NTM: variants seen among roughly 807,000 people sequenced by gnomAD.
NTM encodes IgLON family member 2.
NTM carries 13 observed loss-of-function variants against 42.1 expected under a neutral mutation model. That is an observed-to-expected ratio of 0.31 (90% CI 0.20 to 0.49). The LOEUF (loss-of-function observed/expected upper bound fraction) is 0.49. Ranked by LOEUF, NTM falls within the 20% of genes least tolerant of loss-of-function variation. The pLI is 0.99. For synonymous variants in NTM, 187 were observed against 179.2 expected (o/e 1.04, Z -0.35); for missense variants, 373 against 452.8 (o/e 0.82, Z 1.60).
chr11:132,020,659 T>C (rs1397230469), intron 2 of NTM, among the ~76,000 whole-genome samples: 1 of 152,062 alleles, frequency 6.6e-6, no homozygotes, highest in Admixed American at 6.6e-5. Context: ...GAAAACTAAA[T>C]TTCCGGTTAA....
intron 2 of NTM, among the ~76,000 whole-genome samples, chr11:132,107,855 A>T (rs1345741481): frequency 6.6e-6 from 1 of 152,076 alleles, no homozygotes; most frequent in Admixed American, 6.6e-5. Flanking sequence ...TTGTCATGCT[A>T]AAGACTTCAT....
At chr11:132,029,892 T>C (rs2075698557) in intron 2 of NTM, among the ~76,000 whole-genome samples, 2 of 152,152 alleles carry the variant, frequency 1.3e-5, no homozygotes, top group Non-Finnish European at 2.9e-5. Flanking sequence ...CGTGTTTACA[T>C]AGGGCAGGCT....
In NTM at chr11:131,431,408, T is replaced by C. The variant is rs1948639650; in HGVS notation, c.82+60520T>C. 2.6e-5 allele frequency among the ~76,000 whole-genome samples: 4 copies of C among 152,184 alleles called. No individual in the cohort carries two copies. In the South Asian group the frequency reaches 8.3e-4, roughly 32 times the overall value. On this transcript the variant is annotated intron_variant, in intron 1 of 8. Coordinates refer to ENST00000683400, the MANE Select transcript of NTM (RefSeq NM_001352005.2). ...GTGGGTGGACAAGATGACAGGCAGA[T>C]GATGAGATAAAAAGATAACATTAAG...
chr11:131,545,558 A>G (rs1000782865), intron 1 of NTM, among the ~76,000 whole-genome samples: 2 of 152,192 alleles, frequency 1.3e-5, no homozygotes, highest in African/African-American at 2.4e-5. Context: ...TCTTGACATC[A>G]GTCTCTTTGC....
intron 7 of NTM, among the ~76,000 whole-genome samples, chr11:132,326,782 T>C (rs2095691801): frequency 1.3e-5 from 2 of 152,212 alleles, no homozygotes; most frequent in Admixed American, 1.3e-4. Context: ...TTTACTGCAC[T>C]GATGTGTTCA....
chr11:131,389,951 A>G (rs895490683), intron 1 of NTM, among the ~76,000 whole-genome samples: 11 of 152,222 alleles, frequency 7.2e-5, no homozygotes, highest in African/African-American at 2.7e-4. Context: ...TTGGAGTTCC[A>G]GATGCAACAG....
At chr11:132,282,034 C>T (rs1167755934) in intron 4 of NTM, among the ~76,000 whole-genome samples, 1 of 152,160 alleles carries the variant, frequency 6.6e-6, no homozygotes, top group East Asian at 1.9e-4. Context: ...GAAATGCTGC[C>T]AGGCCTTTAT....
At chr11:132,152,351 T>A (rs929985071) in intron 3 of NTM, among the ~76,000 whole-genome samples, 3 of 152,200 alleles carry the variant, frequency 2.0e-5, no homozygotes, top group Admixed American at 2.0e-4. Context: ...GAAGTCACCT[T>A]CTGAGAACAT....
intron 2 of NTM, among the ~76,000 whole-genome samples, chr11:132,098,143 CTG>C (rs2061240977): frequency 6.6e-6 from 1 of 152,146 alleles, no homozygotes; most frequent in Non-Finnish European, 1.5e-5. Context: ...AATTTAGTAA[CTG>C]TTAAAATATC....
intron 2 of NTM, among the ~76,000 whole-genome samples, chr11:132,093,141 C>T (rs150135840): frequency 2.8e-3 from 433 of 152,312 alleles, no homozygotes; most frequent in South Asian, 9.5e-3. Flanking sequence ...CTTCCATCAT[C>T]TGATGTCTTA....
At chr11:131,607,648 A>T (rs1330382047) in intron 1 of NTM, among the ~76,000 whole-genome samples, 2 of 152,178 alleles carry the variant, frequency 1.3e-5, no homozygotes. Flanking sequence ...ATGCTAGACC[A>T]GCTGTGTGAA....
chr11:132,118,646 A>C (rs771012220), intron 2 of NTM, among the ~76,000 whole-genome samples: 5 of 152,208 alleles, frequency 3.3e-5, no homozygotes, highest in Non-Finnish European at 7.3e-5. Flanking sequence ...AAAGGGTACC[A>C]GAAATAGATG....
intron 2 of NTM, among the ~76,000 whole-genome samples, chr11:132,118,578 A>G (rs557429145): frequency 2.0e-5 from 3 of 152,328 alleles, no homozygotes; most frequent in African/African-American, 7.2e-5. Flanking sequence ...GCTGTTTTGG[A>G]GAAAGCTTAT....
intron 1 of NTM, among the ~76,000 whole-genome samples, chr11:131,755,990 C>T (rs1389102481): frequency 6.6e-6 from 1 of 152,206 alleles, no homozygotes; most frequent in Admixed American, 6.5e-5. Context: ...ATATCACTGT[C>T]CTAACTTCTG....
intron 1 of NTM, among the ~76,000 whole-genome samples, chr11:131,427,951 C>G (rs1233381923): frequency 6.6e-6 from 1 of 152,312 alleles, no homozygotes; most frequent in Middle Eastern, 3.4e-3. Flanking sequence ...CCTTGTCTCT[C>G]TTTTACATGT....
At chr11:131,631,248 C>G (rs1038976821) in intron 1 of NTM, among the ~76,000 whole-genome samples, 8 of 152,144 alleles carry the variant, frequency 5.3e-5, no homozygotes, top group Non-Finnish European at 1.0e-4. Flanking sequence ...ATGAAAAGCA[C>G]GTAGCTTACT....
chr11:131,559,487 C>T (rs958686154), intron 1 of NTM, among the ~76,000 whole-genome samples: 1 of 152,184 alleles, frequency 6.6e-6, no homozygotes, highest in Admixed American at 6.5e-5. Context: ...ATTCACCACA[C>T]AGTCTCAAAT....
At chr11:131,981,409 C>A (rs1014630937) in intron 2 of NTM, 7 of 152,196 alleles carry the variant, frequency 4.6e-5, no homozygotes, top group African/African-American at 1.7e-4. Context: ...TCTTTCTCTC[C>A]CTTTCCAATC....
chr11:131,934,246 C>T (rs1230631447), intron 2 of NTM, among the ~76,000 whole-genome samples: 1 of 152,038 alleles, frequency 6.6e-6, no homozygotes, highest in Non-Finnish European at 1.5e-5. Context: ...ATTGTGGTAA[C>T]CCATTGAGAA....
Sources: allele counts gnomAD v4.1 joint callset (sites outside exome capture counted in the v4.1 genomes callset), GRCh38; gene constraint gnomAD v4.1.1; transcripts MANE v1.5; gene names NCBI Gene and HGNC (gene_info 2026-07-23, HGNC 2026-07-21).